Variants in UGP2 observed in about 807,000 individuals in gnomAD.
UGP2 encodes UTP--glucose-1-phosphate uridylyltransferase.
In UGP2, 40 loss-of-function variants were observed where a neutral mutation model predicts 49.0. The observed-to-expected ratio is 0.82, with a 90% CI of 0.63 to 1.06. The LOEUF (loss-of-function observed/expected upper bound fraction) is 1.06. Ranked by LOEUF, UGP2 falls within the 50% of genes least tolerant of loss-of-function variation. The pLI is 0.00. For synonymous variants in UGP2, 225 were observed against 213.0 expected, an observed-to-expected ratio of 1.06 and a Z score of -0.49; for missense variants, 460 against 603.5, an observed-to-expected ratio of 0.76 and a Z score of 2.49.
At chr2:63,883,504 G>A (rs1317945461) in intron 4 of UGP2, 1 of 153,118 alleles carries the variant, frequency 6.5e-6, no homozygotes, top group East Asian at 1.9e-4. Flanking sequence ...TTAATGTTGA[G>A]AGTAGGGAGC....
chr2:63,884,932 C>T (rs1022710458), intron 5 of UGP2, among the ~76,000 whole-genome samples: 9 of 143,400 alleles, frequency 6.3e-5, no homozygotes, highest in Non-Finnish European at 1.1e-4. Flanking sequence ...AAAAGAAGGA[C>T]ATTTCTAAAG....
At chr2:63,882,674 C>A in intron 4 of UGP2, 23 bp downstream of exon 4, 1 of 1,476,188 alleles carries the variant, frequency 6.8e-7, no homozygotes, top group South Asian at 1.5e-5. Context: ...TAGCCTTTCT[C>A]ATGAGATACT....
At chr2:63,866,621 G>C (rs1670203741) in intron 3 of UGP2, among the ~76,000 whole-genome samples, 2 of 152,132 alleles carry the variant, frequency 1.3e-5, no homozygotes, top group African/African-American at 4.8e-5. Flanking sequence ...AAGAGAATGT[G>C]GTATGCAAAG....
intron 6 of UGP2, 68 bp downstream of exon 6, chr2:63,885,954 C>CT: frequency 1.2e-5 from 18 of 1,460,974 alleles, no homozygotes; most frequent in Non-Finnish European, 1.6e-5. Flanking sequence ...AAGTTAAAGA[C>CT]TTTTTTATTT....
intron 3 of UGP2, among the ~76,000 whole-genome samples, chr2:63,878,289 C>T (rs1201062241): frequency 6.6e-6 from 1 of 152,160 alleles, no homozygotes; most frequent in Non-Finnish European, 1.5e-5. Context: ...AGCTCATAGC[C>T]AGCAGGTGAA....
Position 63,891,397 on chromosome 2 carries a change from A to G in UGP2, c.*170A>G, listed in dbSNP as rs1672151724. Reference sequence around the variant, plus strand: ...TTTAGTCTAAGAAAAGCACAGATGGAGCAATACTTTCCTTCTTTGAAGAGA... The same window carrying G: ...TTTAGTCTAAGAAAAGCACAGATGGGGCAATACTTTCCTTCTTTGAAGAGA... On this transcript the variant is annotated 3_prime_UTR_variant, in exon 10 of 10. Transcript: ENST00000337130. 4 of 445,760 alleles carry G rather than the reference A, an allele frequency of 9.0e-6. No homozygotes were observed. The highest frequency in any genetic ancestry group is 1.2e-5 in the Non-Finnish European group (3 of 257,120). 27.6% of individuals were successfully genotyped at this position (445,760 alleles called of 1,614,324 possible). A position where few individuals can be genotyped will look rare whatever the true frequency, so the allele number is the denominator to read the frequency against.
In UGP2 at chr2:63,885,666, G is replaced by A. The variant is rs1558962012; in HGVS notation, c.653G>A (p.Trp218Ter). The A allele has an allele frequency of 6.2e-7, 1 of 1,613,262 alleles. No individual in the cohort carries two copies. The highest frequency in any genetic ancestry group is 8.5e-7 in the Non-Finnish European group (1 of 1,179,618). Residue 218 changes from tryptophan to a stop codon, truncating the protein, a stop_gained, in exon 6 of 10, where the codon TGG (tryptophan) becomes TAG (stop). Transcript: ENST00000337130. LOFTEE classifies it high-confidence loss of function. ...VSYSGENTEA[W>*]YPPGHGDIYA... ...TACTCAGGGGAAAATACAGAAGCTT[G>A]GTACCCTCCAGGTCATGGTGATATT...
intron 1 of UGP2, among the ~76,000 whole-genome samples, chr2:63,846,942 TTATAAA>T (rs1671975138): frequency 6.6e-6 from 1 of 152,196 alleles, no homozygotes; most frequent in Non-Finnish European, 1.5e-5. Flanking sequence ...TCAGTCACAG[TTATAAA>T]TGTAAAAAAA....
At chr2:63,845,182 G>A (rs910258342) in intron 1 of UGP2, among the ~76,000 whole-genome samples, 1 of 152,122 alleles carries the variant, frequency 6.6e-6, no homozygotes, top group Non-Finnish European at 1.5e-5. Flanking sequence ...AGATGGAAAG[G>A]TACAGACTTA....
Position 63,885,641 on chromosome 2 carries a change from TACTC to T in UGP2, c.630_633del (p.Tyr210Ter). 6.2e-7 allele frequency: 1 copy of T among 1,607,972 alleles called. No individual in the cohort carries two copies. Among genetic ancestry groups the T allele is most frequent in the Non-Finnish European group, 8.5e-7 (1 of 1,178,074 alleles). ...ACTTCCTGTAGCAAAGGACGTGTCT[TACTC>T]AGGGGAAAATACAGAAGCTTGGTAC... On this transcript the variant is annotated frameshift_variant, in exon 6 of 10. Transcript: ENST00000337130. LOFTEE classifies it high-confidence loss of function.
chr2:63,884,368 T>G (rs1671516613), intron 5 of UGP2, among the ~76,000 whole-genome samples: 1 of 152,214 alleles, frequency 6.6e-6, no homozygotes, highest in Admixed American at 6.5e-5. Flanking sequence ...TGAGAGCATA[T>G]TTGGTCTCCA....
intron 3 of UGP2, among the ~76,000 whole-genome samples, chr2:63,875,669 A>G (rs1278625908): frequency 6.6e-6 from 1 of 152,194 alleles, no homozygotes; most frequent in African/African-American, 2.4e-5. Flanking sequence ...CTTATCCCCC[A>G]GAGGATGTTA....
At chr2:63,865,063 C>T (rs1322584879) in intron 3 of UGP2, among the ~76,000 whole-genome samples, 1 of 152,198 alleles carries the variant, frequency 6.6e-6, no homozygotes, top group Non-Finnish European at 1.5e-5. Flanking sequence ...GTACTTTTTT[C>T]TGATTTATCT....
At chr2:63,879,749 C>G (rs958848370) in intron 3 of UGP2, among the ~76,000 whole-genome samples, 2 of 146,692 alleles carry the variant, frequency 1.4e-5, no homozygotes, top group Non-Finnish European at 3.1e-5. Context: ...ATTTTATAAA[C>G]TTTTATGTAT....
intron 2 of UGP2, among the ~76,000 whole-genome samples, chr2:63,857,291 ACT>A (rs1483466387): frequency 2.7e-5 from 4 of 149,816 alleles, no homozygotes; most frequent in East Asian, 2.0e-4. Flanking sequence ...ACAGAGCAAG[ACT>A]CTGTCTCAAA....
intron 9 of UGP2, among the ~76,000 whole-genome samples, chr2:63,890,705 G>A (rs1335081501): frequency 6.6e-6 from 1 of 152,130 alleles, no homozygotes; most frequent in Non-Finnish European, 1.5e-5. Context: ...ACTGCCTAAA[G>A]ACTTAAGACA....
upstream of UGP2, among the ~76,000 whole-genome samples, chr2:63,841,440 C>T (rs978188314): frequency 3.9e-5 from 6 of 152,106 alleles, no homozygotes; most frequent in Non-Finnish European, 8.8e-5. Flanking sequence ...ACGGGTCTGC[C>T]TCTAGCCGGT....
At chr2:63,891,095 C>T in intron 9 of UGP2, 25 bp from the exon 10 acceptor site, 1 of 1,591,566 alleles carries the variant, frequency 6.3e-7, no homozygotes, top group South Asian at 1.1e-5. Flanking sequence ...TGCAAGTACA[C>T]TCTTTTGTTT....
At chr2:63,876,067 C>G (rs550152363) in intron 3 of UGP2, among the ~76,000 whole-genome samples, 2 of 152,106 alleles carry the variant, frequency 1.3e-5, no homozygotes, top group African/African-American at 2.4e-5. Flanking sequence ...AGGCCTAAAA[C>G]TTGTCTCTGT....
Sources: allele counts gnomAD v4.1 joint callset (sites outside exome capture counted in the v4.1 genomes callset), GRCh38; gene constraint gnomAD v4.1.1; transcripts MANE v1.5; gene names NCBI Gene and HGNC (gene_info 2026-07-23, HGNC 2026-07-21).